Variants in SAE1 observed in about 807,000 individuals in gnomAD.
SAE1 encodes the protein SUMO-activating enzyme subunit 1.
A neutral mutation model predicts 40.6 loss-of-function variants in SAE1; 11 were observed. That is an observed-to-expected ratio of 0.27 (90% CI 0.17 to 0.45). SAE1 has a LOEUF of 0.45. Ranked by LOEUF, SAE1 falls within the 20% of genes least tolerant of loss-of-function variation. SAE1 has a pLI of 1.00. For synonymous variants in SAE1, 155 were observed against 154.3 expected (o/e 1.00, Z -0.03); for missense variants, 373 against 427.3 (o/e 0.87, Z 1.12).
chr19:47,186,320 T>C (rs307900), intron 6 of SAE1, among the ~76,000 whole-genome samples: 41,328 of 151,944 alleles, frequency 0.27, 6,631 homozygotes, highest in African/African-American at 0.43. Context: ...GGTGCTCTAT[T>C]GGTAAGTACA....
chr19:47,197,227 T>TC lies in SAE1; in HGVS notation c.734-3dup, dbSNP rs758472087. 4 of 1,594,806 alleles carry TC rather than the reference T, an allele frequency of 2.5e-6. No homozygotes were observed. In the South Asian group the frequency reaches 4.6e-5, roughly 19 times the overall value. ...TTATAACCTGCCTTCTTTTTCTTAT[T>TC]CCCAGTGCTCTTAAAGTTCCGTACA... On this transcript the variant is annotated splice_region_variant and splice_polypyrimidine_tract_variant and intron_variant, in intron 6 of 8. Coordinates refer to ENST00000270225, the MANE Select transcript of SAE1 (RefSeq NM_005500.3).
At chr19:47,200,561 C>T (rs12973505) in intron 7 of SAE1, among the ~76,000 whole-genome samples, 42,431 of 151,674 alleles carry the variant, frequency 0.28, 5,947 homozygotes, top group South Asian at 0.37. Flanking sequence ...GTTGTAGAGA[C>T]GGGGGTCTCA....
In SAE1 at chr19:47,130,841, G is replaced by C. The variant is rs1400575344; in HGVS notation, c.-90G>C. ...TCTGCGCATGCGCAGAAGCACTCCG[G>C]GCGTGCTGCCGGCGGCGGTAGGTGG... is the stretch of plus-strand genomic sequence containing the variant. On this transcript the variant is annotated 5_prime_UTR_variant, in exon 1 of 9. Coordinates refer to ENST00000270225, the MANE Select transcript of SAE1 (RefSeq NM_005500.3). 1.9e-6 allele frequency: 3 copies of C among 1,539,386 alleles called. No homozygotes were observed. The highest frequency in any genetic ancestry group is 2.6e-6 in the Non-Finnish European group (3 of 1,142,590).
chr19:47,169,311 T>C (rs1460703426), intron 5 of SAE1, among the ~76,000 whole-genome samples: 4 of 152,100 alleles, frequency 2.6e-5, no homozygotes, highest in African/African-American at 9.7e-5. Flanking sequence ...AGTGACGCGA[T>C]CTTGGCTCGC....
chr19:47,153,642 C>G (rs1362620764), intron 4 of SAE1, among the ~76,000 whole-genome samples: 6 of 152,142 alleles, frequency 3.9e-5, no homozygotes, highest in Admixed American at 1.3e-4. Flanking sequence ...CTTGTTCAGC[C>G]TCTCAGGCAA....
intron 3 of SAE1, among the ~76,000 whole-genome samples, chr19:47,150,782 A>T (rs2058282969): frequency 6.6e-6 from 1 of 152,216 alleles, no homozygotes; most frequent in African/African-American, 2.4e-5. Flanking sequence ...TGTTAGAAAT[A>T]TCAAACTACA....
At chr19:47,182,432 A>C (rs1049777914) in intron 6 of SAE1, among the ~76,000 whole-genome samples, 5 of 151,470 alleles carry the variant, frequency 3.3e-5, no homozygotes, top group Non-Finnish European at 7.4e-5. Flanking sequence ...CAGATGTTTA[A>C]AAATAATTTG....
At position 47,209,569 on chromosome 19, in the gene SAE1, CT is replaced by C; in HGVS notation, c.*319del. The C allele has an allele frequency of 2.4e-6, 1 of 408,570 alleles. No homozygotes were observed. The highest frequency in any genetic ancestry group is 4.2e-5 in the East Asian group (1 of 23,964). The allele number at this position is 408,570 out of a possible 1,614,324, so 25.3% of individuals were successfully genotyped here. A position where few individuals can be genotyped will look rare whatever the true frequency, so the allele number is the denominator to read the frequency against. ...TTCTCTGTCCTTATGCTGTCCCGGC[CT>C]CGCCAGCCCTCTGGGGCATTGTGGG... On this transcript the variant is annotated 3_prime_UTR_variant, in exon 9 of 9. Coordinates refer to ENST00000270225, the MANE Select transcript of SAE1 (RefSeq NM_005500.3).
At chr19:47,132,733 C>G (rs117960763) in intron 1 of SAE1, among the ~76,000 whole-genome samples, 2,453 of 151,800 alleles carry the variant, frequency 0.016, 41 homozygotes, top group Non-Finnish European at 0.026. Flanking sequence ...CAAAAAAATA[C>G]AAAAATTAGC....
intron 5 of SAE1, among the ~76,000 whole-genome samples, chr19:47,167,366 A>G (rs924381677): frequency 6.6e-6 from 1 of 150,960 alleles, no homozygotes; most frequent in Non-Finnish European, 1.5e-5. Context: ...CAGCCTCCCG[A>G]GTAGCTGGGA....
chr19:47,139,586 CTTTT>C (rs71179299), intron 1 of SAE1, among the ~76,000 whole-genome samples: 2 of 122,794 alleles, frequency 1.6e-5, no homozygotes, highest in Admixed American at 8.7e-5. Context: ...GAATGTGTAT[CTTTT>C]TTTTTTTTTT....
chr19:47,202,694 A>C (rs949465207), intron 7 of SAE1, among the ~76,000 whole-genome samples: 2 of 150,486 alleles, frequency 1.3e-5, no homozygotes, highest in South Asian at 4.3e-4. Flanking sequence ...CGGGCGGATC[A>C]CGAGGTCAAG....
intron 6 of SAE1, among the ~76,000 whole-genome samples, chr19:47,176,554 G>A (rs548172520): frequency 6.6e-6 from 1 of 152,292 alleles, no homozygotes; most frequent in Non-Finnish European, 1.5e-5. Context: ...TGTGCCCACT[G>A]GAGTCCCCAC....
At chr19:47,161,912 G>T (rs2058361837) in intron 5 of SAE1, among the ~76,000 whole-genome samples, 1 of 152,306 alleles carries the variant, frequency 6.6e-6, no homozygotes, top group Non-Finnish European at 1.5e-5. Context: ...CGTTTGTGAG[G>T]CCATCTGTTT....
chr19:47,204,187 C>CTTTTTTTTTTTTTTTTTT (rs57736880), intron 8 of SAE1, among the ~76,000 whole-genome samples: 1 of 82,126 alleles, frequency 1.2e-5, no homozygotes, highest in African/African-American at 5.8e-5. Context: ...AAAGCCCTCC[C>CTTTTTTTTTTTTTTTTTT]TTTTTTTTTT....
intron 3 of SAE1, among the ~76,000 whole-genome samples, chr19:47,152,128 C>T (rs138126493): frequency 1.3e-5 from 2 of 152,328 alleles, no homozygotes; most frequent in East Asian, 3.9e-4. Flanking sequence ...TCCTTTTGTT[C>T]AGGAGAAAGC....
At chr19:47,194,747 CTTT>C (rs1232339267) in intron 6 of SAE1, among the ~76,000 whole-genome samples, 6 of 124,868 alleles carry the variant, frequency 4.8e-5, no homozygotes, top group Non-Finnish European at 5.1e-5. Context: ...GTTAATCAGT[CTTT>C]TTTTTTTTTT....
intron 1 of SAE1, among the ~76,000 whole-genome samples, chr19:47,134,148 A>G (rs1266342336): frequency 6.6e-6 from 1 of 152,142 alleles, no homozygotes; most frequent in Non-Finnish European, 1.5e-5. Context: ...GGTGTGAGCC[A>G]CCATGCCCGG....
At chr19:47,146,985 C>A (rs1435865817) in intron 2 of SAE1, among the ~76,000 whole-genome samples, 1 of 152,052 alleles carries the variant, frequency 6.6e-6, no homozygotes, top group African/African-American at 2.4e-5. Flanking sequence ...TGAAAAATAA[C>A]AGCAGATTTT....
Sources: allele counts gnomAD v4.1 joint callset (sites outside exome capture counted in the v4.1 genomes callset), GRCh38; gene constraint gnomAD v4.1.1; transcripts MANE v1.5; gene names NCBI Gene and HGNC (gene_info 2026-07-23, HGNC 2026-07-21).